RFX3: variants seen among roughly 807,000 people sequenced by gnomAD.
The protein encoded by RFX3 is regulatory factor X3, also known as transcription factor RFX3.
RFX3 carries 14 observed loss-of-function variants against 98.6 expected under a neutral mutation model. The observed-to-expected ratio is 0.14, with a 90% CI of 0.09 to 0.22. The LOEUF (loss-of-function observed/expected upper bound fraction) is 0.22, where lower values mean the gene tolerates loss of function less well. RFX3 is among the 10% of genes least tolerant of loss of function. RFX3 has a pLI of 1.00. For missense variants in RFX3, 639 were observed against 926.9 expected (o/e 0.69, Z 4.03); for synonymous variants, 383 against 328.4 (o/e 1.17, Z -1.80).
At chr9:3,389,210 T>A (rs1197692238) in intron 2 of RFX3, among the ~76,000 whole-genome samples, 2 of 152,156 alleles carry the variant, frequency 1.3e-5, no homozygotes, top group African/African-American at 2.4e-5. Flanking sequence ...TTCTCCTGGA[T>A]GTTTAACTCA....
At chr9:3,477,628 G>A (rs927064861) in intron 1 of RFX3, among the ~76,000 whole-genome samples, 5 of 152,144 alleles carry the variant, frequency 3.3e-5, no homozygotes, top group African/African-American at 1.2e-4. Context: ...GTCTAGGTAT[G>A]GATCACTTTG....
intron 8 of RFX3, among the ~76,000 whole-genome samples, chr9:3,277,100 C>T (rs1825323664): frequency 6.6e-6 from 1 of 151,966 alleles, no homozygotes; most frequent in Non-Finnish European, 1.5e-5. Flanking sequence ...AATTTCATAG[C>T]AATGAGTCTT....
intron 1 of RFX3, among the ~76,000 whole-genome samples, chr9:3,414,556 T>C (rs1412083092): frequency 6.7e-6 from 1 of 149,764 alleles, no homozygotes; most frequent in African/African-American, 2.4e-5. Context: ...AGTGTGTATA[T>C]ATATATGCTA....
chr9:3,288,214 G>T lies in RFX3; in HGVS notation c.768C>A (p.Val256=), dbSNP rs529676481. 1 of 1,612,026 alleles carries T rather than the reference G, an allele frequency of 6.2e-7. No individual in the cohort carries two copies. The highest frequency in any genetic ancestry group is 8.5e-7 in the Non-Finnish European group (1 of 1,178,348). ...GACGATTAAGAGGGGAATCTGGCTT[G>T]ACACGAATCCCATAGTAGTGGTATT... The part of the protein sequence containing the change: ...NSKYHYYGIR[V]KPDSPLNRLQ... Residue 256 remains valine, a synonymous_variant, in exon 7 of 17, where the codon GTC becomes GTA. Transcript: ENST00000617270.
In RFX3 at chr9:3,340,796, T is replaced by A. The variant is rs1833795912; in HGVS notation, c.215+5871A>T. ...TGTGGAGAAATAGAAACACTTTTAC[T>A]CTGTTGGTGAGACTGTAAACTAGTT... On this transcript the variant is annotated intron_variant, in intron 3 of 16. Transcript: ENST00000617270. Among the ~76,000 whole-genome samples, 4 of 152,284 alleles carry A rather than the reference T, an allele frequency of 2.6e-5. No homozygotes were observed. In the South Asian group the frequency reaches 8.3e-4, roughly 32 times the overall value.
At chr9:3,299,337 G>T (rs1381292931) in intron 5 of RFX3, among the ~76,000 whole-genome samples, 1 of 151,584 alleles carries the variant, frequency 6.6e-6, no homozygotes, top group Non-Finnish European at 1.5e-5. Flanking sequence ...TTTCCAGGGA[G>T]GAAAAAGACA....
intron 5 of RFX3, among the ~76,000 whole-genome samples, chr9:3,293,964 C>T (rs756611767): frequency 2.0e-5 from 3 of 152,102 alleles, no homozygotes; most frequent in Non-Finnish European, 4.4e-5. Context: ...CTGGAAGGCA[C>T]ACTGCAATGA....
chr9:3,376,260 T>A (rs1838480340), intron 2 of RFX3, among the ~76,000 whole-genome samples: 1 of 152,156 alleles, frequency 6.6e-6, no homozygotes, highest in Non-Finnish European at 1.5e-5. Context: ...TATAACCAGT[T>A]TGAAAAATAT....
At chr9:3,404,177 G>A (rs1346220225) in intron 1 of RFX3, among the ~76,000 whole-genome samples, 1 of 152,132 alleles carries the variant, frequency 6.6e-6, no homozygotes, top group Non-Finnish European at 1.5e-5. Context: ...TAGTGAACAT[G>A]GGTGTAGGTG....
At chr9:3,311,616 G>A (rs780481161) in intron 4 of RFX3, among the ~76,000 whole-genome samples, 9 of 152,152 alleles carry the variant, frequency 5.9e-5, no homozygotes, top group Non-Finnish European at 1.2e-4. Flanking sequence ...CGGGCGTGGT[G>A]GCTCTCACCT....
rs192475879 is a variant in RFX3 at position 3,503,192 on chromosome 9, G to T, written c.-9+22555C>A. Among the ~76,000 whole-genome samples the T allele has an allele frequency of 1.2e-4, 19 of 152,222 alleles. No homozygotes were observed. The East Asian group carries it at 3.7e-3, about 29-fold the overall frequency. On this transcript the variant is annotated intron_variant, in intron 1 of 16. Coordinates refer to ENST00000617270, the MANE Select transcript of RFX3 (RefSeq NM_001282116.2). ...CACAGCTTGAGAAAATGTGTGCACA[G>T]CTGACTCACTTCAGACATAAATGCC...
At chr9:3,449,058 A>G (rs1436396997) in intron 1 of RFX3, among the ~76,000 whole-genome samples, 2 of 152,134 alleles carry the variant, frequency 1.3e-5, no homozygotes, top group African/African-American at 4.8e-5. Flanking sequence ...TTGCTATGTG[A>G]CTTGCAGCAT....
chr9:3,288,464 G>A (rs1462533128), intron 6 of RFX3, among the ~76,000 whole-genome samples: 2 of 151,900 alleles, frequency 1.3e-5, no homozygotes, highest in East Asian at 3.9e-4. Flanking sequence ...TCAGCTAAAG[G>A]CCCTGCTAAA....
At chr9:3,250,652 C>G (rs1048368341) in intron 14 of RFX3, among the ~76,000 whole-genome samples, 3 of 151,570 alleles carry the variant, frequency 2.0e-5, no homozygotes, top group Non-Finnish European at 2.9e-5. Flanking sequence ...AATATTTCTA[C>G]TAATGAGAAA....
Position 3,314,136 on chromosome 9 carries a change from C to T in RFX3, c.475-12516G>A, listed in dbSNP as rs1830291584. 5.9e-5 allele frequency among the ~76,000 whole-genome samples: 9 copies of T among 152,300 alleles called. No individual in the cohort carries two copies. The South Asian group carries it at 1.9e-3, about 32-fold the overall frequency. ...GCAGCCAGAGAGAAAGGTCGGGTTACCCACAAAGGGAAGCCCATCAGACTA... is the reference window on the plus strand; with the variant it reads ...GCAGCCAGAGAGAAAGGTCGGGTTATCCACAAAGGGAAGCCCATCAGACTA... On this transcript the variant is annotated intron_variant, in intron 4 of 16. Coordinates refer to ENST00000617270, the MANE Select transcript of RFX3 (RefSeq NM_001282116.2).
At chr9:3,441,971 G>T (rs532675296) in intron 1 of RFX3, among the ~76,000 whole-genome samples, 42 of 152,052 alleles carry the variant, frequency 2.8e-4, no homozygotes, top group Admixed American at 2.8e-3. Context: ...TGGTCCAGGC[G>T]GGCAGATCAC....
At chr9:3,469,157 A>G (rs1175278556) in intron 1 of RFX3, 6 of 455,948 alleles carry the variant, frequency 1.3e-5, no homozygotes, top group Non-Finnish European at 2.6e-5. Flanking sequence ...TTATTTAACA[A>G]AAAGAGAAAG....
At chr9:3,454,021 T>A (rs144797319) in intron 1 of RFX3, among the ~76,000 whole-genome samples, 10 of 152,200 alleles carry the variant, frequency 6.6e-5, no homozygotes, top group African/African-American at 1.7e-4. Context: ...GTAGTACATA[T>A]AAATATATTA....
chr9:3,249,900 G>A (rs187078677), intron 14 of RFX3, among the ~76,000 whole-genome samples: 2 of 151,904 alleles, frequency 1.3e-5, no homozygotes, highest in East Asian at 3.9e-4. Flanking sequence ...TGATATCTTA[G>A]AGTTGACTAC....
Sources: allele counts gnomAD v4.1 joint callset (sites outside exome capture counted in the v4.1 genomes callset), GRCh38; gene constraint gnomAD v4.1.1; transcripts MANE v1.5; gene names NCBI Gene and HGNC (gene_info 2026-07-23, HGNC 2026-07-21).